Variants in TMEM135 observed in about 807,000 individuals in gnomAD.
TMEM135 encodes peroxisomal membrane protein 52.
Under a neutral mutation model 60.3 loss-of-function variants are expected in TMEM135, and 30 were observed. That is an observed-to-expected ratio of 0.50 (90% CI 0.37 to 0.68). TMEM135 has a LOEUF of 0.68. Among genes scored for constraint, TMEM135 ranks in the 30% least tolerant of loss-of-function variants. The pLI is 0.00. For missense variants in TMEM135, 468 were observed against 548.8 expected, an observed-to-expected ratio of 0.85 and a Z score of 1.47; for synonymous variants, 190 against 186.7, an observed-to-expected ratio of 1.02 and a Z score of -0.14.
In TMEM135 at chr11:87,328,306, T is replaced by TA. The variant is rs1942944089; in HGVS notation, c.*6979dup. ...CGTCTTTGAAGGTTTTGCTCATCTT[T>TA]AAAAAATCTTAGTTGATTATGTTTT... is the stretch of plus-strand genomic sequence containing the variant. On this transcript the variant is annotated 3_prime_UTR_variant, in exon 15 of 15. Transcript: ENST00000305494. 2.2e-6 allele frequency: 1 copy of TA among 453,916 alleles called. No homozygotes were observed. Among genetic ancestry groups the TA allele is most frequent in the South Asian group, 1.6e-5 (1 of 64,478 alleles). 28.1% of individuals were successfully genotyped at this position (453,916 alleles called of 1,614,324 possible). A position where few individuals can be genotyped will look rare whatever the true frequency, so the allele number is the denominator to read the frequency against.
At chr11:87,240,076 A>G (rs1941096383) in intron 6 of TMEM135, among the ~76,000 whole-genome samples, 1 of 152,072 alleles carries the variant, frequency 6.6e-6, no homozygotes, top group African/African-American at 2.4e-5. Flanking sequence ...TTGGGCTGGC[A>G]AAAGGTACTG....
chr11:87,253,399 C>T (rs1941459623), intron 6 of TMEM135, among the ~76,000 whole-genome samples: 1 of 152,014 alleles, frequency 6.6e-6, no homozygotes, highest in African/African-American at 2.4e-5. Flanking sequence ...ATAAAAATGA[C>T]ATTCTTAGGT....
chr11:87,129,435 G>A (rs2135229234), intron 4 of TMEM135, among the ~76,000 whole-genome samples: 1 of 151,686 alleles, frequency 6.6e-6, no homozygotes, highest in East Asian at 1.9e-4. Flanking sequence ...TAGAGATGTG[G>A]TTTCGCCATA....
intron 4 of TMEM135, among the ~76,000 whole-genome samples, chr11:87,131,308 C>T (rs564985767): frequency 4.9e-5 from 6 of 121,886 alleles, no homozygotes; most frequent in South Asian, 2.7e-4. Flanking sequence ...TCCACCATTA[C>T]GGTATCATAC....
intron 5 of TMEM135, among the ~76,000 whole-genome samples, chr11:87,233,542 A>G (rs1269357601): frequency 6.6e-6 from 1 of 152,116 alleles, no homozygotes; most frequent in Non-Finnish European, 1.5e-5. Flanking sequence ...TTTTACAGGT[A>G]TATAGCTATG....
chr11:87,264,124 T>C (rs878947590), intron 6 of TMEM135, among the ~76,000 whole-genome samples: 1 of 151,924 alleles, frequency 6.6e-6, no homozygotes, highest in Admixed American at 6.6e-5. Flanking sequence ...AAATAGTAAA[T>C]ATTTCTAATT....
intron 5 of TMEM135, among the ~76,000 whole-genome samples, chr11:87,183,993 C>T (rs546873702): frequency 6.4e-5 from 9 of 140,990 alleles, no homozygotes; most frequent in Admixed American, 5.7e-4. Context: ...GAGAGTTAAA[C>T]GAATATTTAC....
rs1938108291 is a variant in TMEM135, at chr11:87,136,641, A to T, written c.397-20700A>T. 2.7e-5 allele frequency among the ~76,000 whole-genome samples: 4 copies of T among 147,142 alleles called. No individual in the cohort carries two copies. The South Asian group carries it at 8.7e-4, about 32-fold the overall frequency. On this transcript the variant is annotated intron_variant, in intron 4 of 14. Coordinates refer to ENST00000305494, the MANE Select transcript of TMEM135 (RefSeq NM_022918.4). Reference sequence around the variant, plus strand: ...ATCTGGTCTTTTTTTCTTTGGCAAGATATTTTACTACTATTTCAACTTTTT... The same window carrying T: ...ATCTGGTCTTTTTTTCTTTGGCAAGTTATTTTACTACTATTTCAACTTTTT...
chr11:87,178,948 A>G (rs301573), intron 5 of TMEM135, among the ~76,000 whole-genome samples: 33,377 of 149,826 alleles, frequency 0.22, 4,297 homozygotes, highest in East Asian at 0.54. Context: ...GTTAGGTCAT[A>G]AGAATAATGC....
intron 3 of TMEM135, among the ~76,000 whole-genome samples, chr11:87,077,167 C>G (rs1340582523): frequency 1.3e-5 from 2 of 152,214 alleles, no homozygotes; most frequent in East Asian, 1.9e-4. Flanking sequence ...CTCCTGGTAA[C>G]AACTAGTCTA....
At chr11:87,157,498 C>G (rs991218514) in intron 5 of TMEM135, 92 bp downstream of exon 5, 1 of 1,128,088 alleles carries the variant, frequency 8.9e-7, no homozygotes, top group Non-Finnish European at 1.3e-6. Context: ...GATGCTTTGT[C>G]TAAGAAATAG....
At chr11:87,265,290 T>G (rs567115203) in intron 6 of TMEM135, among the ~76,000 whole-genome samples, 20 of 151,966 alleles carry the variant, frequency 1.3e-4, no homozygotes, top group Admixed American at 2.6e-4. Context: ...TGTTATGATT[T>G]TAGAATATTT....
chr11:87,087,368 C>T (rs572375547), intron 3 of TMEM135, among the ~76,000 whole-genome samples: 1 of 151,738 alleles, frequency 6.6e-6, no homozygotes, highest in South Asian at 2.1e-4. Context: ...AGGATAATTG[C>T]CCAGAATTAG....
intron 1 of TMEM135, among the ~76,000 whole-genome samples, chr11:87,054,715 G>A (rs1173073675): frequency 6.6e-6 from 1 of 152,060 alleles, no homozygotes; most frequent in Non-Finnish European, 1.5e-5. Context: ...GAAAGATTCT[G>A]CACCTATTGC....
intron 5 of TMEM135, among the ~76,000 whole-genome samples, chr11:87,176,232 G>A (rs541790264): frequency 4.6e-5 from 7 of 152,054 alleles, no homozygotes; most frequent in South Asian, 2.1e-4. Flanking sequence ...GTTAGTTCCC[G>A]TGAGAGCTGG....
chr11:87,301,226 A>G (rs1337783809), intron 7 of TMEM135, among the ~76,000 whole-genome samples: 1 of 151,890 alleles, frequency 6.6e-6, no homozygotes, highest in African/African-American at 2.4e-5. Flanking sequence ...TTACACTTTC[A>G]TATTCTGTTT....
At chr11:87,321,162 C>G (rs200735631) in intron 14 of TMEM135, 39 bp from the exon 15 acceptor site, 1 of 1,536,966 alleles carries the variant, frequency 6.5e-7, no homozygotes, top group South Asian at 1.2e-5. Flanking sequence ...ATTTTATAAA[C>G]TATATTAATA....
At position 87,066,779 on chromosome 11, in the gene TMEM135, C is replaced by CTTTTTTT. The variant is rs201355341; in HGVS notation, c.142-912_142-911insTTTTTTT. 5.4e-5 allele frequency among the ~76,000 whole-genome samples: 7 copies of CTTTTTTT among 129,176 alleles called. 1 individual carries two copies. The highest frequency in any genetic ancestry group is 7.9e-5 in the Admixed American group (1 of 12,610). The allele number at this position is 129,176 out of a possible 152,430, so 84.7% of individuals were successfully genotyped here. On this transcript the variant is annotated intron_variant, in intron 1 of 14. Transcript: ENST00000305494. ...TACATACTTGTGTTGTTACTAGATT[C>CTTTTTTT]TTTCTTTTTTTTTTTTTTTTGAGAC... is the stretch of plus-strand genomic sequence containing the variant.
Position 87,277,464 on chromosome 11 carries a change from G to A in TMEM135, c.510-18318G>A, listed in dbSNP as rs552250087. On this transcript the variant is annotated intron_variant, in intron 6 of 14. Coordinates refer to ENST00000305494, the MANE Select transcript of TMEM135 (RefSeq NM_022918.4). ...AGATTTTTAAAAACGTGAAACTGCC[G>A]TATTGGATCACATTTGCTGTACTCT... 24 of 182,030 alleles carry A rather than the reference G, an allele frequency of 1.3e-4. No individual in the cohort carries two copies. In the East Asian group the frequency reaches 1.5e-3, roughly 11 times the overall value. The allele number at this position is 182,030 out of a possible 1,614,324, so 11.3% of individuals were successfully genotyped here. A position where few individuals can be genotyped will look rare whatever the true frequency, so the allele number is the denominator to read the frequency against.
Sources: allele counts gnomAD v4.1 joint callset (sites outside exome capture counted in the v4.1 genomes callset), GRCh38; gene constraint gnomAD v4.1.1; transcripts MANE v1.5; gene names NCBI Gene and HGNC (gene_info 2026-07-23, HGNC 2026-07-21).